Variants in DNASE1 observed in about 807,000 individuals in gnomAD.
DNASE1 encodes the protein deoxyribonuclease-1.
A neutral mutation model predicts 33.9 loss-of-function variants in DNASE1; 40 were observed. The ratio of observed to expected loss-of-function variants is 1.18; its 90% confidence interval spans 0.92 to 1.54. The LOEUF is 1.54. Among genes scored for constraint, DNASE1 ranks in the 40% most tolerant of loss-of-function variants. The pLI is 0.00. For missense variants in DNASE1, 518 were observed against 372.6 expected, an observed-to-expected ratio of 1.39 and a Z score of -3.21; for synonymous variants, 216 against 160.0, an observed-to-expected ratio of 1.35 and a Z score of -2.64.
intron 1 of DNASE1, among the ~76,000 whole-genome samples, chr16:3,618,814 T>C (rs140743236): frequency 1.3e-5 from 2 of 152,328 alleles, no homozygotes; most frequent in East Asian, 1.9e-4. Context: ...AAATGTAGTA[T>C]AGAATGGAAT....
At chr16:3,635,902 G>C (rs1323397941) in intron 1 of DNASE1, among the ~76,000 whole-genome samples, 4 of 151,972 alleles carry the variant, frequency 2.6e-5, no homozygotes, top group Non-Finnish European at 5.9e-5. Flanking sequence ...ATGTAGTTTT[G>C]TTCTGTTTTT....
At chr16:3,648,300 C>T (rs897740005) in intron 1 of DNASE1, among the ~76,000 whole-genome samples, 7 of 152,032 alleles carry the variant, frequency 4.6e-5, no homozygotes, top group African/African-American at 9.7e-5. Context: ...CGGTGGCTCA[C>T]GCCTGTAATC....
upstream of DNASE1, among the ~76,000 whole-genome samples, chr16:3,639,302 T>C (rs1047112551): frequency 5.3e-5 from 8 of 152,226 alleles, no homozygotes; most frequent in Non-Finnish European, 1.2e-4. Flanking sequence ...CATGAGCTGG[T>C]ATGTGGGACA....
chr16:3,662,094 G>A (rs148631823), downstream of DNASE1: 149 of 1,613,162 alleles, frequency 9.2e-5, no homozygotes, highest in Middle Eastern at 8.3e-4. Flanking sequence ...TCTCCAGCAC[G>A]GTGACCATGG....
At chr16:3,613,250 G>A (rs1468874693) in intron 1 of DNASE1, among the ~76,000 whole-genome samples, 1 of 152,004 alleles carries the variant, frequency 6.6e-6, no homozygotes, top group Non-Finnish European at 1.5e-5. Flanking sequence ...TTTTTCTGCT[G>A]GGCTTTTATT....
intron 1 of DNASE1, among the ~76,000 whole-genome samples, chr16:3,634,464 G>T (rs1413248483): frequency 6.6e-6 from 1 of 151,652 alleles, no homozygotes; most frequent in African/African-American, 2.4e-5. Context: ...TCCTGACCTC[G>T]TGATCTGCCC....
At chr16:3,629,045 G>T (rs1369535962) in intron 1 of DNASE1, among the ~76,000 whole-genome samples, 1 of 150,186 alleles carries the variant, frequency 6.7e-6, no homozygotes, top group East Asian at 2.0e-4. Context: ...GATGGTGGGC[G>T]CCTGTAATCC....
chr16:3,640,761 G>A (rs2042006262), upstream of DNASE1: 1 of 398,512 alleles, frequency 2.5e-6, no homozygotes, highest in South Asian at 1.3e-4. Flanking sequence ...AGCTTGCTGA[G>A]TGGTACAGCG....
At position 3,621,609 on chromosome 16, in the gene DNASE1, G is replaced by C. The variant is rs190878309; in HGVS notation, c.-1359+9603G>C. 7.9e-5 allele frequency among the ~76,000 whole-genome samples: 12 copies of C among 152,180 alleles called. No individual in the cohort carries two copies. The East Asian group carries it at 2.3e-3, about 29-fold the overall frequency. On this transcript the variant is annotated intron_variant and NMD_transcript_variant, in intron 1 of 11. Transcript: ENST00000570769. ...GGTAGCACATTTTACCCATTGTTCT[G>C]AACCTCGTTTTTGCAACTTAATGAA...
chr16:3,628,019 T>C (rs1200667513), intron 1 of DNASE1, among the ~76,000 whole-genome samples: 1 of 151,994 alleles, frequency 6.6e-6, no homozygotes, highest in Non-Finnish European at 1.5e-5. Flanking sequence ...TTGGGAGTAT[T>C]GACATCTTAA....
Position 3,656,082 on chromosome 16 carries a change from C to T in DNASE1, c.237-20C>T, listed in dbSNP as rs771238660. On this transcript the variant is annotated intron_variant, in intron 3 of 8. Coordinates refer to ENST00000246949, the MANE Select transcript of DNASE1 (RefSeq NM_005223.4). ...CCCCTATGGCCCCCGCCACTGGGAC[C>T]TTTTGTTTCTTCAATCCAGGGATGC... The T allele has an allele frequency of 2.5e-6, 4 of 1,614,006 alleles. No homozygotes were observed. The highest frequency in any genetic ancestry group is 1.1e-5 in the South Asian group (1 of 91,086).
chr16:3,661,855 C>G, downstream of DNASE1: 1 of 1,221,570 alleles, frequency 8.2e-7, no homozygotes, highest in South Asian at 1.7e-5. Context: ...CTGCATACAG[C>G]TCCTTATAGT....
chr16:3,656,300 C>T, intron 4 of DNASE1, 115 bp downstream of exon 4: 12 of 1,141,602 alleles, frequency 1.1e-5, no homozygotes, highest in Non-Finnish European at 1.5e-5. Flanking sequence ...GGCTTCAGAG[C>T]AGGGTCCAGG....
chr16:3,640,520 G>T (rs578185627), upstream of DNASE1, among the ~76,000 whole-genome samples: 3 of 152,200 alleles, frequency 2.0e-5, no homozygotes, highest in Non-Finnish European at 4.4e-5. Context: ...GTCCTGCACT[G>T]TTTTCCACCA....
rs893403495 is a variant in DNASE1, at chr16:3,656,565, C to G, written c.321-73C>G. On this transcript the variant is annotated intron_variant, in intron 4 of 8. Coordinates refer to ENST00000246949, the MANE Select transcript of DNASE1 (RefSeq NM_005223.4). ...CCCTCCTGTCGCCTGGGACGCGACG[C>G]CTGCCTCCTGGGAAGCAGGAGTGGG... The G allele has an allele frequency of 2.2e-6, 3 of 1,372,238 alleles. No individual in the cohort carries two copies. The African/African-American group carries it at 4.3e-5, about 20-fold the overall frequency. The allele number at this position is 1,372,238 out of a possible 1,614,324, so 85.0% of individuals were successfully genotyped here.
downstream of DNASE1, chr16:3,662,092 A>C (rs1313900839): frequency 1.9e-6 from 3 of 1,613,306 alleles, no homozygotes; most frequent in Non-Finnish European, 2.5e-6. Flanking sequence ...CATCTCCAGC[A>C]CGGTGACCAT....
At chr16:3,659,688 A>T (rs1321071049), downstream of DNASE1, 1 of 152,118 alleles carries the variant, frequency 6.6e-6, no homozygotes, top group African/African-American at 2.4e-5. Flanking sequence ...CCACATGTGG[A>T]TGATATGCTG....
At chr16:3,623,734 GAGAA>G (rs1247517662) in intron 1 of DNASE1, among the ~76,000 whole-genome samples, 2 of 151,742 alleles carry the variant, frequency 1.3e-5, no homozygotes, top group African/African-American at 4.8e-5. Flanking sequence ...AGGAATTAGA[GAGAA>G]AGTAGGCAAA....
chr16:3,651,862 G>A (rs1225860983), upstream of DNASE1: 1 of 152,404 alleles, frequency 6.6e-6, no homozygotes, highest in East Asian at 1.9e-4. Context: ...CGAGGGAGAA[G>A]TGAGAGTGCT....
Sources: gnomAD v4.1 joint callset for allele counts (sites outside exome capture counted in the v4.1 genomes callset) on GRCh38, gnomAD v4.1.1 for gene constraint, MANE v1.5 for transcripts, NCBI Gene and HGNC (gene_info 2026-07-23, HGNC 2026-07-21) for gene names.